Variants in TSPAN18 observed in about 807,000 individuals in gnomAD.
TSPAN18 encodes the protein tetraspanin-18.
In TSPAN18, 14 loss-of-function variants were observed where a neutral mutation model predicts 27.3. The observed-to-expected ratio is 0.51, with a 90% CI of 0.34 to 0.80. The LOEUF (loss-of-function observed/expected upper bound fraction) is 0.80, where lower values mean the gene tolerates loss of function less well. Among genes scored for constraint, TSPAN18 ranks in the 30% least tolerant of loss-of-function variants. The pLI is 0.01. For missense variants in TSPAN18, 268 were observed against 323.9 expected, an observed-to-expected ratio of 0.83 and a Z score of 1.32; for synonymous variants, 143 against 136.5, an observed-to-expected ratio of 1.05 and a Z score of -0.33.
rs117946262 is a variant in TSPAN18, at chr11:44,886,739, G to A, written c.-10-19668G>A. On this transcript the variant is annotated intron_variant, in intron 3 of 9. Transcript: ENST00000520358. ...TAAGAATAAGGTCAGTTTGGCTGTTGAGAAACAGTCTTGATATTCACAGAG... is the reference window on the plus strand; with the variant it reads ...TAAGAATAAGGTCAGTTTGGCTGTTAAGAAACAGTCTTGATATTCACAGAG... Among the ~76,000 whole-genome samples the A allele has an allele frequency of 5.8e-4, 89 of 152,344 alleles. 2 individuals carry two copies. In the East Asian group the frequency reaches 0.015, roughly 26 times the overall value.
chr11:44,914,551 G>A (rs1233503013), intron 5 of TSPAN18, among the ~76,000 whole-genome samples: 1 of 152,226 alleles, frequency 6.6e-6, no homozygotes, highest in Non-Finnish European at 1.5e-5. Flanking sequence ...GCCTCAGGAG[G>A]CTTTGCAGGC....
chr11:44,923,820 TC>T (rs34423772), intron 8 of TSPAN18, among the ~76,000 whole-genome samples: 39,907 of 151,750 alleles, frequency 0.26, 7,259 homozygotes, highest in African/African-American at 0.52. Context: ...TGGCATCCTG[TC>T]CATGCCCCAA....
At chr11:44,764,729 G>A (rs1855527773) in intron 2 of TSPAN18, among the ~76,000 whole-genome samples, 1 of 152,178 alleles carries the variant, frequency 6.6e-6, no homozygotes, top group Non-Finnish European at 1.5e-5. Context: ...GGCCACCTTG[G>A]TGCAGGAAGT....
intron 2 of TSPAN18, among the ~76,000 whole-genome samples, chr11:44,846,711 G>C (rs1299669176): frequency 6.6e-6 from 1 of 152,182 alleles, no homozygotes; most frequent in Non-Finnish European, 1.5e-5. Context: ...TGTGAACTAA[G>C]ATAGGTTTCC....
At chr11:44,776,835 G>C (rs2134935563) in intron 2 of TSPAN18, among the ~76,000 whole-genome samples, 1 of 152,346 alleles carries the variant, frequency 6.6e-6, no homozygotes, top group East Asian at 1.9e-4. Context: ...GGACCTGGTT[G>C]AGTGTGTCTA....
In TSPAN18 at chr11:44,932,301, T is replaced by A. The variant is rs1860610550; in HGVS notation, c.*3123T>A. The stretch of plus-strand genomic sequence containing the variant: ...TCTCCTGTGAGACCCCCCTTTTATA[T>A]GATATATCCAGAGGAAGTTTTGTAA... On this transcript the variant is annotated 3_prime_UTR_variant, in exon 10 of 10. Transcript: ENST00000520358. The A allele has an allele frequency of 6.6e-6, 1 of 152,138 alleles. No homozygotes were observed. Among genetic ancestry groups the A allele is most frequent in the Admixed American group, 6.5e-5 (1 of 15,278 alleles). 9.4% of individuals were successfully genotyped at this position (152,138 alleles called of 1,614,324 possible).
chr11:44,883,094 C>T (rs1858541925), intron 3 of TSPAN18, among the ~76,000 whole-genome samples: 1 of 152,184 alleles, frequency 6.6e-6, no homozygotes, highest in African/African-American at 2.4e-5. Flanking sequence ...AACAACAGCC[C>T]CTGAAATCTA....
At chr11:44,744,135 C>A (rs1211539350) in intron 1 of TSPAN18, among the ~76,000 whole-genome samples, 1 of 152,158 alleles carries the variant, frequency 6.6e-6, no homozygotes, top group Non-Finnish European at 1.5e-5. Flanking sequence ...ACAACAGAGG[C>A]CTCCTGGGCT....
chr11:44,882,577 CAG>C lies in TSPAN18; in HGVS notation c.-11+22118_-11+22119del, dbSNP rs748710490. Among the ~76,000 whole-genome samples the C allele has an allele frequency of 8.5e-3, 1,143 of 135,092 alleles. 21 individuals carry two copies. The highest frequency in any genetic ancestry group is 0.028 in the East Asian group (132 of 4,636). 88.6% of individuals were successfully genotyped at this position (135,092 alleles called of 152,430 possible). ...GCGTTCCACCTCACCAGGAAATGGT[CAG>C]AGAGAGAGACACACACACACACACA... is the stretch of plus-strand genomic sequence containing the variant. On this transcript the variant is annotated intron_variant, in intron 3 of 9. Coordinates refer to ENST00000520358, the MANE Select transcript of TSPAN18 (RefSeq NM_130783.5).
intron 1 of TSPAN18, among the ~76,000 whole-genome samples, chr11:44,747,672 C>T (rs1855110999): frequency 6.6e-6 from 1 of 152,030 alleles, no homozygotes; most frequent in Admixed American, 6.5e-5. Flanking sequence ...TTGAAAATGG[C>T]CCAAATGTTT....
At chr11:44,888,820 T>A (rs1476515623) in intron 3 of TSPAN18, among the ~76,000 whole-genome samples, 2 of 152,192 alleles carry the variant, frequency 1.3e-5, no homozygotes, top group African/African-American at 4.8e-5. Context: ...CCAGGTGGGA[T>A]GGATGCACCA....
At chr11:44,840,030 T>G (rs186272272) in intron 2 of TSPAN18, among the ~76,000 whole-genome samples, 335 of 152,110 alleles carry the variant, frequency 2.2e-3, no homozygotes, top group African/African-American at 7.7e-3. Flanking sequence ...ACGTCAGGAG[T>G]GAGCATCATC....
chr11:44,763,220 CT>C (rs1161851719), intron 1 of TSPAN18, among the ~76,000 whole-genome samples: 1 of 152,134 alleles, frequency 6.6e-6, no homozygotes, highest in Non-Finnish European at 1.5e-5. Context: ...CAGGAGGAGC[CT>C]GGGAGGGGAG....
At chr11:44,858,833 A>C (rs779058346) in intron 2 of TSPAN18, among the ~76,000 whole-genome samples, 3 of 152,196 alleles carry the variant, frequency 2.0e-5, no homozygotes, top group Non-Finnish European at 4.4e-5. Context: ...GTGAGCCCGC[A>C]AGAATGGCAT....
At chr11:44,732,639 T>C (rs1349314822) in intron 1 of TSPAN18, among the ~76,000 whole-genome samples, 1 of 152,062 alleles carries the variant, frequency 6.6e-6, no homozygotes, top group African/African-American at 2.4e-5. Flanking sequence ...TTGGGGACAG[T>C]GATGAGTAAG....
At chr11:44,857,286 C>G (rs1857763381) in intron 2 of TSPAN18, among the ~76,000 whole-genome samples, 1 of 152,244 alleles carries the variant, frequency 6.6e-6, no homozygotes, top group Non-Finnish European at 1.5e-5. Context: ...TGACCTACGA[C>G]AGGCATCTCA....
intron 3 of TSPAN18, among the ~76,000 whole-genome samples, chr11:44,905,286 C>G (rs974653403): frequency 6.6e-6 from 1 of 152,196 alleles, no homozygotes; most frequent in African/African-American, 2.4e-5. Context: ...TCCCCTACAT[C>G]CATCCACACC....
chr11:44,809,238 A>G (rs980768947), intron 2 of TSPAN18, among the ~76,000 whole-genome samples: 1 of 152,032 alleles, frequency 6.6e-6, no homozygotes, highest in African/African-American at 2.4e-5. Flanking sequence ...CACACCCATC[A>G]TGCACTGTGC....
chr11:44,765,791 A>G (rs920368092), intron 2 of TSPAN18, among the ~76,000 whole-genome samples: 1 of 152,218 alleles, frequency 6.6e-6, no homozygotes, highest in Non-Finnish European at 1.5e-5. Context: ...CATGTCCTGT[A>G]AAAACATAAA....
Sources: allele counts gnomAD v4.1 joint callset (sites outside exome capture counted in the v4.1 genomes callset), GRCh38; gene constraint gnomAD v4.1.1; transcripts MANE v1.5; gene names NCBI Gene and HGNC (gene_info 2026-07-23, HGNC 2026-07-21).